CNNM2: variants seen among roughly 807,000 people sequenced by gnomAD.
CNNM2 encodes metal transporter CNNM2.
Under a neutral mutation model 66.9 loss-of-function variants are expected in CNNM2, and 12 were observed. The ratio of observed to expected loss-of-function variants is 0.18; its 90% CI spans 0.11 to 0.29. The LOEUF (loss-of-function observed/expected upper bound fraction) is 0.29, where lower values mean the gene tolerates loss of function less well. Ranked by LOEUF, CNNM2 falls within the 10% of genes least tolerant of loss-of-function variation. The pLI is 1.00. For synonymous variants in CNNM2, 557 were observed against 501.8 expected (o/e 1.11, Z -1.47); for missense variants, 705 against 1,167.7 (o/e 0.60, Z 5.77).
intron 1 of CNNM2, among the ~76,000 whole-genome samples, chr10:102,950,372 CAG>C (rs1360213030): frequency 1.3e-5 from 2 of 152,100 alleles, no homozygotes; most frequent in Non-Finnish European, 2.9e-5. Flanking sequence ...ATATGAGAAA[CAG>C]AGTCTTACCA....
rs965070285 is a variant in CNNM2 at position 103,088,013 on chromosome 10, T to A, written c.*10833T>A. The A allele has an allele frequency of 6.6e-6, 1 of 152,242 alleles. No individual in the cohort carries two copies. The highest frequency in any genetic ancestry group is 1.9e-4 in the East Asian group (1 of 5,206). The allele number at this position is 152,242 out of a possible 1,614,324, so 9.4% of individuals were successfully genotyped here. A position where few individuals can be genotyped will look rare whatever the true frequency, so the allele number is the denominator to read the frequency against. ...AAAAATTGAGGCCTATGTAACACCA[T>A]GAATATAATCATGTTAGAACATAAT... On this transcript the variant is annotated 3_prime_UTR_variant, in exon 8 of 8. Transcript: ENST00000369878.
chr10:102,931,877 C>T (rs1040564174), intron 1 of CNNM2, among the ~76,000 whole-genome samples: 5 of 151,130 alleles, frequency 3.3e-5, no homozygotes, highest in East Asian at 1.9e-4. Flanking sequence ...GAATGCCATC[C>T]TAGTGAGAAG....
chr10:102,957,817 G>T lies in CNNM2; in HGVS notation c.1621+37716G>T, dbSNP rs546973859. Among the ~76,000 whole-genome samples the T allele has an allele frequency of 1.7e-3, 264 of 152,284 alleles. 3 individuals are homozygous for T. The highest frequency in any genetic ancestry group is 6.8e-3 in the Middle Eastern group (2 of 294). On this transcript the variant is annotated intron_variant, in intron 1 of 7. Transcript: ENST00000369878. ...TTAGGCTGGTAGATCGCTTACCTGG[G>T]CATTACTTGTTTGCTTCTCTGGAAT...
intron 1 of CNNM2, among the ~76,000 whole-genome samples, chr10:102,951,047 G>C (rs1302478537): frequency 1.4e-5 from 2 of 141,918 alleles, no homozygotes; most frequent in South Asian, 2.2e-4. Context: ...GAGTGCAGTG[G>C]TGTGATCTCA....
rs557095197 is a variant in CNNM2 at position 103,048,935 on chromosome 10, A to G, written c.1622-772A>G. Among the ~76,000 whole-genome samples the G allele has an allele frequency of 2.0e-5, 3 of 152,114 alleles. No individual in the cohort carries two copies. The East Asian group carries it at 5.8e-4, about 29-fold the overall frequency. ...CAGTGGCTCGATCATAGCTCACTGC[A>G]GCCTCGAACTCCTGGATCCTCCCAC... is the stretch of plus-strand genomic sequence containing the variant. On this transcript the variant is annotated intron_variant, in intron 1 of 7. Transcript: ENST00000369878.
intron 1 of CNNM2, among the ~76,000 whole-genome samples, chr10:103,015,416 C>T (rs2134277546): frequency 6.6e-6 from 1 of 152,294 alleles, no homozygotes; most frequent in African/African-American, 2.4e-5. Flanking sequence ...GACTGATTTG[C>T]ACTGATAGAA....
chr10:102,933,752 T>G (rs765995555), intron 1 of CNNM2, among the ~76,000 whole-genome samples: 205 of 152,294 alleles, frequency 1.3e-3, no homozygotes, highest in Middle Eastern at 3.4e-3. Flanking sequence ...TAAATACGTA[T>G]TAACTGTCTG....
At chr10:103,009,991 T>C (rs2064309353) in intron 1 of CNNM2, among the ~76,000 whole-genome samples, 1 of 151,994 alleles carries the variant, frequency 6.6e-6, no homozygotes, top group South Asian at 2.1e-4. Context: ...CGTATTAAAC[T>C]TCACTAATAC....
At chr10:102,974,442 G>C (rs574417180) in intron 1 of CNNM2, among the ~76,000 whole-genome samples, 1 of 152,288 alleles carries the variant, frequency 6.6e-6, no homozygotes, top group East Asian at 1.9e-4. Context: ...TGGCTTAGGA[G>C]TAGCACTTAA....
chr10:102,981,707 T>G (rs1000665902), intron 1 of CNNM2, among the ~76,000 whole-genome samples: 2 of 152,080 alleles, frequency 1.3e-5, no homozygotes, highest in African/African-American at 2.4e-5. Flanking sequence ...ATGGTAATTT[T>G]TTTTTTGATC....
chr10:103,015,707 GC>G, intron 1 of CNNM2, among the ~76,000 whole-genome samples: 1 of 152,186 alleles, frequency 6.6e-6, no homozygotes, highest in South Asian at 2.1e-4. Context: ...TACAAGATTA[GC>G]CAGGCGTAGT....
Position 102,969,795 on chromosome 10 carries a change from C to A in CNNM2, c.1621+49694C>A, listed in dbSNP as rs372428714. Among the ~76,000 whole-genome samples, 8 of 151,978 alleles carry A rather than the reference C, an allele frequency of 5.3e-5. No individual in the cohort carries two copies. In the East Asian group the frequency reaches 1.2e-3, roughly 22 times the overall value. On this transcript the variant is annotated intron_variant, in intron 1 of 7. Transcript: ENST00000369878. The stretch of plus-strand genomic sequence containing the variant: ...AGTAGCTGGGATTACAGGCGTGCAC[C>A]ACCACGCCTGGCTAATTTTGTATTT...
intron 1 of CNNM2, 145 bp downstream of exon 1, chr10:102,920,246 T>TGGC: frequency 1.3e-6 from 2 of 1,549,890 alleles, no homozygotes; most frequent in Non-Finnish European, 1.8e-6. Flanking sequence ...GTTGAAAGGG[T>TGGC]GGCGTGGATT....
At chr10:103,075,029 G>T (rs1372965926) in intron 6 of CNNM2, among the ~76,000 whole-genome samples, 1 of 152,166 alleles carries the variant, frequency 6.6e-6, no homozygotes, top group Non-Finnish European at 1.5e-5. Flanking sequence ...AGCAGAGAAA[G>T]AAAAGGTACT....
rs1590475558 is a variant in CNNM2 at position 103,057,377 on chromosome 10, G to C, written c.2073+413G>C. On this transcript the variant is annotated intron_variant, in intron 4 of 7. Coordinates refer to ENST00000369878, the MANE Select transcript of CNNM2 (RefSeq NM_017649.5). ...CCAGCTACTTGGGAGGCTAAGACAG[G>C]GGGCGGGGCGGGGATTGCTTGAGCC... is the stretch of plus-strand genomic sequence containing the variant. Among the ~76,000 whole-genome samples, 5 of 152,160 alleles carry C rather than the reference G, an allele frequency of 3.3e-5. No individual in the cohort carries two copies. The East Asian group carries it at 9.7e-4, about 29-fold the overall frequency.
intron 1 of CNNM2, among the ~76,000 whole-genome samples, chr10:102,994,267 A>G (rs931170482): frequency 2.0e-5 from 3 of 152,176 alleles, no homozygotes; most frequent in South Asian, 2.1e-4. Flanking sequence ...CTTACTTGAT[A>G]TGAGTTGTGA....
intron 1 of CNNM2, among the ~76,000 whole-genome samples, chr10:103,004,229 C>T (rs1043497445): frequency 6.6e-6 from 1 of 151,942 alleles, no homozygotes; most frequent in Non-Finnish European, 1.5e-5. Flanking sequence ...TCTCGAACTC[C>T]CGACCTCAGG....
At chr10:103,039,825 C>T (rs540266499) in intron 1 of CNNM2, among the ~76,000 whole-genome samples, 8 of 152,100 alleles carry the variant, frequency 5.3e-5, no homozygotes, top group African/African-American at 1.9e-4. Flanking sequence ...AGGTGAGAAA[C>T]AAGGAGCTTC....
At chr10:103,063,515 G>A (rs1456894850) in intron 4 of CNNM2, among the ~76,000 whole-genome samples, 4 of 152,356 alleles carry the variant, frequency 2.6e-5, no homozygotes, top group Admixed American at 1.3e-4. Context: ...TTGTGCCCAC[G>A]CTGGCTAGGG....
Sources: gnomAD v4.1 joint callset for allele counts (sites outside exome capture counted in the v4.1 genomes callset) on GRCh38, gnomAD v4.1.1 for gene constraint, MANE v1.5 for transcripts, NCBI Gene and HGNC (gene_info 2026-07-23, HGNC 2026-07-21) for gene names.